Variants in WASHC3 observed in about 807,000 individuals in gnomAD.
WASHC3 encodes WASH complex subunit 3.
WASHC3 carries 24 observed loss-of-function variants against 26.1 expected under a neutral mutation model. The ratio of observed to expected loss-of-function variants is 0.92; its 90% CI spans 0.66 to 1.29. The LOEUF (loss-of-function observed/expected upper bound fraction) is 1.29. WASHC3 is among the 50% of genes most tolerant of loss of function. WASHC3 has a pLI of 0.00. For synonymous variants in WASHC3, 77 were observed against 75.7 expected (o/e 1.02, Z -0.09); for missense variants, 214 against 229.6 (o/e 0.93, Z 0.44).
chr12:102,050,555 A>T (rs954949955), intron 2 of WASHC3: 4 of 452,204 alleles, frequency 8.8e-6, no homozygotes, highest in African/African-American at 8.1e-5. Context: ...AGGTGGGAGG[A>T]TCACTTGAGC....
Position 102,044,182 on chromosome 12 carries a change from T to A in WASHC3, c.247A>T (p.Thr83Ser). The change falls in exon 4 of 7, where the codon ACA (threonine) becomes TCA (serine). Residue 83 changes from threonine (T) to serine (S), a missense_variant. Thr to Ser is a moderately conservative substitution (Grantham distance 58). Coordinates refer to ENST00000240079, the MANE Select transcript of WASHC3 (RefSeq NM_016053.4). ...ACATTTAAAGGAGATACTTCAACTG[T>A]GACATCATCTAGGCCTGGGATAGAT... is the stretch of plus-strand genomic sequence containing the variant. ...LSSIPGLDDV[T>S]VEVSPLNVTS... 1.2e-6 allele frequency: 2 copies of A among 1,608,964 alleles called. No individual in the cohort carries two copies. The highest frequency in any genetic ancestry group is 1.7e-6 in the Non-Finnish European group (2 of 1,176,976).
At chr12:102,016,889 A>G (rs1266928399) in intron 6 of WASHC3, among the ~76,000 whole-genome samples, 1 of 152,254 alleles carries the variant, frequency 6.6e-6, no homozygotes, top group Non-Finnish European at 1.5e-5. Context: ...ATAAAGTTAT[A>G]GTAAGCTAAG....
intron 5 of WASHC3, among the ~76,000 whole-genome samples, 170 bp downstream of exon 5, chr12:102,039,698 C>CTT (rs878856548): frequency 7.1e-6 from 1 of 140,902 alleles, no homozygotes; most frequent in Admixed American, 7.1e-5. Flanking sequence ...ATTTGACTTC[C>CTT]TTTTTTTTTT....
At chr12:102,056,889 G>A (rs1878614002) in intron 2 of WASHC3, among the ~76,000 whole-genome samples, 1 of 152,150 alleles carries the variant, frequency 6.6e-6, no homozygotes, top group Non-Finnish European at 1.5e-5. Flanking sequence ...ATACTGAAGA[G>A]GAGGGGAAAC....
chr12:102,014,280 C>A (rs1876607563), intron 6 of WASHC3, among the ~76,000 whole-genome samples: 1 of 151,834 alleles, frequency 6.6e-6, no homozygotes, highest in South Asian at 2.1e-4. Context: ...ACCATGTTGG[C>A]CAGGATGGTC....
intron 3 of WASHC3, among the ~76,000 whole-genome samples, chr12:102,045,845 C>T (rs73183993): frequency 0.039 from 5,975 of 152,292 alleles, 168 homozygotes; most frequent in African/African-American, 0.072. Context: ...TGAAAGAAAT[C>T]GCAAACCATG....
intron 2 of WASHC3, among the ~76,000 whole-genome samples, chr12:102,047,776 C>T (rs1878223472): frequency 6.6e-6 from 1 of 152,090 alleles, no homozygotes; most frequent in African/African-American, 2.4e-5. Flanking sequence ...TTTTAATATA[C>T]CTATATATTT....
rs1350142434 is a variant in WASHC3, at chr12:102,039,127, G to C, written c.435+741C>G. Among the ~76,000 whole-genome samples the C allele has an allele frequency of 4.1e-3, 344 of 84,248 alleles. 6 individuals carry two copies. The highest frequency in any genetic ancestry group is 0.013 in the African/African-American group (268 of 20,652). The allele number at this position is 84,248 out of a possible 152,430, so 55.3% of individuals were successfully genotyped here. A position where few individuals can be genotyped will look rare whatever the true frequency, so the allele number is the denominator to read the frequency against. Reference sequence around the variant, plus strand: ...AGGTGCATGCCATCATATGGAGTTAGGTTTTTTTTTTTTTTTTTTTTTTTA... The same window carrying C: ...AGGTGCATGCCATCATATGGAGTTACGTTTTTTTTTTTTTTTTTTTTTTTA... On this transcript the variant is annotated intron_variant, in intron 5 of 6. Transcript: ENST00000240079.
chr12:102,033,596 C>T (rs1343013586), intron 5 of WASHC3, among the ~76,000 whole-genome samples: 3 of 152,056 alleles, frequency 2.0e-5, no homozygotes, highest in Non-Finnish European at 2.9e-5. Context: ...CCTATTATTT[C>T]CCTTTCACAA....
intron 5 of WASHC3, among the ~76,000 whole-genome samples, chr12:102,032,257 G>A (rs1454868760): frequency 6.6e-6 from 1 of 152,084 alleles, no homozygotes; most frequent in Non-Finnish European, 1.5e-5. Flanking sequence ...AAAGAAAATA[G>A]AGCTTTAAAA....
At chr12:102,043,886 G>A in intron 4 of WASHC3, 1 of 294,146 alleles carries the variant, frequency 3.4e-6, no homozygotes, top group Non-Finnish European at 6.3e-6. Context: ...GTCCTATATA[G>A]ACTGATTTTC....
chr12:102,052,135 G>A (rs1352296049), intron 2 of WASHC3, among the ~76,000 whole-genome samples: 1 of 152,198 alleles, frequency 6.6e-6, no homozygotes, highest in Admixed American at 6.5e-5. Context: ...GACCAGGTGA[G>A]AAATTACAGC....
rs765317841 is a variant in WASHC3 at position 102,039,916 on chromosome 12, A to G, written c.387T>C (p.Thr129=). The G allele has an allele frequency of 2.4e-5, 38 of 1,605,998 alleles. No individual in the cohort carries two copies. Among genetic ancestry groups the G allele is most frequent in the Non-Finnish European group, 2.8e-5 (33 of 1,173,156 alleles). The part of the protein sequence containing the change: ...ESEVSAENIL[T]VAKDPRYARY... ...TGGCATATCTTGGATCCTTGGCTACAGTTAAGATATTTTCTGCTGATACTT... is the reference window on the plus strand; with the variant it reads ...TGGCATATCTTGGATCCTTGGCTACGGTTAAGATATTTTCTGCTGATACTT... The change falls in exon 5 of 7, where the codon ACT becomes ACC. Residue 129 remains threonine, a synonymous_variant. Transcript: ENST00000240079.
chr12:102,044,038 C>A, intron 4 of WASHC3, 67 bp downstream of exon 4: 1 of 648,190 alleles, frequency 1.5e-6, no homozygotes, highest in Non-Finnish European at 2.5e-6. Flanking sequence ...TTTCTTCCTT[C>A]CAACCTGCTG....
At chr12:102,038,716 G>A (rs1877787010) in intron 5 of WASHC3, among the ~76,000 whole-genome samples, 1 of 151,736 alleles carries the variant, frequency 6.6e-6, no homozygotes, top group Non-Finnish European at 1.5e-5. Context: ...TAAATTGACC[G>A]CCAATATCCT....
intron 4 of WASHC3, among the ~76,000 whole-genome samples, chr12:102,042,709 G>C (rs1877990325): frequency 1.3e-5 from 2 of 152,182 alleles, no homozygotes; most frequent in African/African-American, 4.8e-5. Flanking sequence ...TGAAGTGTTA[G>C]CTGTTATCAT....
intron 1 of WASHC3, 25 bp downstream of exon 1, chr12:102,061,887 G>A (rs769298523): frequency 1.6e-5 from 25 of 1,576,158 alleles, no homozygotes; most frequent in Non-Finnish European, 2.1e-5. Context: ...GGCTCGTCGG[G>A]AGTCTAGCAC....
At chr12:102,013,859 G>A (rs563726220) in intron 6 of WASHC3, among the ~76,000 whole-genome samples, 1 of 152,200 alleles carries the variant, frequency 6.6e-6, no homozygotes, top group East Asian at 1.9e-4. Context: ...ACTTTGCATG[G>A]ATGTGCTCTA....
intron 2 of WASHC3, among the ~76,000 whole-genome samples, chr12:102,053,560 G>A (rs767519242): frequency 4.6e-5 from 7 of 152,142 alleles, no homozygotes; most frequent in Non-Finnish European, 1.0e-4. Context: ...AGAATAATCA[G>A]AGAAACACGT....
Sources: allele counts gnomAD v4.1 joint callset (sites outside exome capture counted in the v4.1 genomes callset), GRCh38; gene constraint gnomAD v4.1.1; transcripts MANE v1.5; gene names NCBI Gene and HGNC (gene_info 2026-07-23, HGNC 2026-07-21).